The following INPP4B variants were observed in gnomAD, a reference collection of about 807,000 sequenced individuals.
INPP4B encodes inositol polyphosphate-4-phosphatase type II B.
A neutral mutation model predicts 122.5 loss-of-function variants in INPP4B; 55 were observed. The observed-to-expected ratio is 0.45, with a 90% CI of 0.36 to 0.56. The LOEUF is 0.56. INPP4B is among the 20% of genes least tolerant of loss of function. The pLI is 0.00. For synonymous variants in INPP4B, 403 were observed against 388.7 expected (o/e 1.04, Z -0.43); for missense variants, 1,000 against 1,097.7 (o/e 0.91, Z 1.26).
chr4:142,571,508 C>T (rs79744060), intron 2 of INPP4B, among the ~76,000 whole-genome samples: 2,289 of 152,058 alleles, frequency 0.015, 24 homozygotes, highest in East Asian at 0.032. Context: ...TCATAAATGC[C>T]GGAGAAACTT....
intron 2 of INPP4B, among the ~76,000 whole-genome samples, chr4:142,637,827 G>T (rs1485233799): frequency 6.6e-6 from 1 of 152,142 alleles, no homozygotes; most frequent in Admixed American, 6.5e-5. Context: ...CAACAAATGA[G>T]TTCCTGTTGC....
chr4:142,712,364 T>C (rs1763219745), intron 2 of INPP4B, among the ~76,000 whole-genome samples: 1 of 152,218 alleles, frequency 6.6e-6, no homozygotes, highest in African/African-American at 2.4e-5. Context: ...ATCTGAATCC[T>C]ACCCTTAACT....
chr4:142,145,881 T>C lies in INPP4B; in HGVS notation c.1679A>G (p.Lys560Arg). 3 of 1,613,892 alleles carry C rather than the reference T, an allele frequency of 1.9e-6. No homozygotes were observed. The highest frequency in any genetic ancestry group is 1.3e-5 in the African/African-American group (1 of 75,038). Residue 560 changes from lysine to arginine, a missense_variant, in exon 18 of 26, where the codon AAG becomes AGG. Lys to Arg is a conservative substitution (Grantham distance 26). Coordinates refer to ENST00000262992, the MANE Select transcript of INPP4B (RefSeq NM_001101669.3). ...EGSGGNNDGE[K>R]EPSLTDAIPS... The stretch of plus-strand genomic sequence containing the variant: ...AATGGCATCTGTTAATGAAGGTTCC[T>C]TTTCTCCATCATTGTTGCCGCCACT...
At chr4:142,683,499 A>G (rs974639315) in intron 2 of INPP4B, among the ~76,000 whole-genome samples, 27 of 151,912 alleles carry the variant, frequency 1.8e-4, no homozygotes, top group African/African-American at 6.3e-4. Flanking sequence ...GCTGTAGGAG[A>G]GAAAAATGCT....
intron 2 of INPP4B, among the ~76,000 whole-genome samples, chr4:142,467,474 G>A (rs2149647431): frequency 6.6e-6 from 1 of 152,306 alleles, no homozygotes; most frequent in Admixed American, 6.5e-5. Context: ...CTTTTGGAAT[G>A]AGAATGTTTA....
chr4:142,558,821 A>AAAG (rs1729823978), intron 2 of INPP4B, among the ~76,000 whole-genome samples: 1 of 146,400 alleles, frequency 6.8e-6, no homozygotes, highest in Non-Finnish European at 1.5e-5. Context: ...AAAAAAAAAA[A>AAAG]AAGAAGCTCA....
intron 11 of INPP4B, among the ~76,000 whole-genome samples, chr4:142,243,828 A>G (rs1860715037): frequency 1.3e-5 from 2 of 152,066 alleles, no homozygotes; most frequent in Admixed American, 1.3e-4. Context: ...AGTTATCTCA[A>G]TATTTAGCTC....
At chr4:142,142,116 CTA>C (rs1196066725) in intron 18 of INPP4B, among the ~76,000 whole-genome samples, 1 of 151,992 alleles carries the variant, frequency 6.6e-6, no homozygotes, top group Non-Finnish European at 1.5e-5. Flanking sequence ...GTAATAAATA[CTA>C]TATGTCTCAA....
chr4:142,253,419 T>C (rs986675028), intron 11 of INPP4B, among the ~76,000 whole-genome samples: 2 of 152,206 alleles, frequency 1.3e-5, no homozygotes, highest in Admixed American at 6.5e-5. Context: ...AGACAGGTGA[T>C]TTCCGCATTT....
At chr4:142,257,999 AC>A (rs1737336680) in intron 11 of INPP4B, among the ~76,000 whole-genome samples, 2 of 152,178 alleles carry the variant, frequency 1.3e-5, no homozygotes, top group Non-Finnish European at 2.9e-5. Flanking sequence ...TGGTACCAAA[AC>A]AGAGATATAG....
At chr4:142,286,405 T>C (rs1298272394) in intron 9 of INPP4B, among the ~76,000 whole-genome samples, 1 of 152,210 alleles carries the variant, frequency 6.6e-6, no homozygotes, top group Non-Finnish European at 1.5e-5. Context: ...TAATAGGAAG[T>C]AGAAAGACAG....
At chr4:142,616,121 A>G (rs1743637934) in intron 2 of INPP4B, among the ~76,000 whole-genome samples, 1 of 151,766 alleles carries the variant, frequency 6.6e-6, no homozygotes, top group Non-Finnish European at 1.5e-5. Flanking sequence ...AAAAACAAAG[A>G]TTGACATTTT....
chr4:142,682,304 T>G (rs1411885236), intron 2 of INPP4B, among the ~76,000 whole-genome samples: 2 of 151,734 alleles, frequency 1.3e-5, no homozygotes, highest in South Asian at 2.1e-4. Flanking sequence ...TCTCCTCCCT[T>G]TTAGTTCTAA....
intron 1 of INPP4B, chr4:142,795,054 G>T (rs556561531): frequency 6.6e-6 from 1 of 151,866 alleles, no homozygotes; most frequent in Non-Finnish European, 1.5e-5. Flanking sequence ...GATTAATAAA[G>T]CATGGTATAC....
At chr4:142,568,539 A>T (rs188168332) in intron 2 of INPP4B, among the ~76,000 whole-genome samples, 1 of 152,326 alleles carries the variant, frequency 6.6e-6, no homozygotes, top group East Asian at 1.9e-4. Flanking sequence ...TATATCATGT[A>T]CATATCTAAG....
intron 1 of INPP4B, among the ~76,000 whole-genome samples, chr4:142,744,197 G>A (rs1348654346): frequency 6.6e-6 from 1 of 151,892 alleles, no homozygotes; most frequent in Non-Finnish European, 1.5e-5. Context: ...CACTAGATGA[G>A]TTTAACAGCA....
intron 2 of INPP4B, among the ~76,000 whole-genome samples, chr4:142,591,999 T>C (rs1167685045): frequency 6.6e-6 from 1 of 152,168 alleles, no homozygotes; most frequent in African/African-American, 2.4e-5. Context: ...AAGTATGAGC[T>C]GTAGATAAAA....
At chr4:142,122,738 A>G (rs1453044442) in intron 20 of INPP4B, among the ~76,000 whole-genome samples, 1 of 152,256 alleles carries the variant, frequency 6.6e-6, no homozygotes, top group South Asian at 2.1e-4. Context: ...CCTGGTAGTC[A>G]TTTTTTAAAA....
intron 17 of INPP4B, among the ~76,000 whole-genome samples, chr4:142,155,189 A>T (rs991828704): frequency 5.3e-5 from 8 of 152,192 alleles, no homozygotes; most frequent in African/African-American, 1.4e-4. Context: ...GTCTATAAAA[A>T]TTTGTTACTT....
Sources: allele counts gnomAD v4.1 joint callset (sites outside exome capture counted in the v4.1 genomes callset), GRCh38; gene constraint gnomAD v4.1.1; transcripts MANE v1.5; gene names NCBI Gene and HGNC (gene_info 2026-07-23, HGNC 2026-07-21).